ZNF469: variants seen among roughly 807,000 people sequenced by gnomAD.
The protein encoded by ZNF469 is zinc finger protein 469.
A neutral mutation model predicts 1.0 loss-of-function variants in ZNF469; 1 was observed. The ratio of observed to expected loss-of-function variants is 1.00; its 90% CI spans 0.35 to 4.73. The LOEUF (loss-of-function observed/expected upper bound fraction) is 4.73. Among genes scored for constraint, ZNF469 ranks in the 30% most tolerant of loss-of-function variants. The pLI is 0.16. For missense variants in ZNF469, 6,100 were observed against 5,356.3 expected (o/e 1.14, Z -4.33); for synonymous variants, 2,703 against 2,363.4 (o/e 1.14, Z -4.17).
At chr16:88,224,759 G>C in the ZNF469 span, among the ~76,000 whole-genome samples, 2 of 151,102 alleles carry the variant, frequency 1.3e-5, no homozygotes, top group African/African-American at 5.0e-5. Context: ...GTGTGCACGT[G>C]TGTGTCTGTA....
chr16:88,417,546 G>T (rs994743136), intron 1 of ZNF469, among the ~76,000 whole-genome samples: 1 of 152,130 alleles, frequency 6.6e-6, no homozygotes, highest in South Asian at 2.1e-4. Context: ...TCCAGTCCCC[G>T]CAAGCCAGAT....
chr16:88,396,661 C>CCTGAAGGGAGGCCGGGAGGAGACCCGT (rs1904677918), intron 1 of ZNF469, among the ~76,000 whole-genome samples: 1 of 138,974 alleles, frequency 7.2e-6, no homozygotes, highest in South Asian at 2.3e-4. Flanking sequence ...CGGAGACCCT[C>CCTGAAGGGAGGCCGGGAGGAGACCCGT]CTGAAGGGAG....
chr16:88,213,669 T>G, the ZNF469 span, among the ~76,000 whole-genome samples: 2 of 152,310 alleles, frequency 1.3e-5, no homozygotes, highest in South Asian at 4.1e-4. Flanking sequence ...CCCAAAAGGG[T>G]TGCCTTTCTG....
chr16:88,333,160 C>A, the ZNF469 span, among the ~76,000 whole-genome samples: 3 of 152,150 alleles, frequency 2.0e-5, no homozygotes, highest in African/African-American at 7.2e-5. Context: ...CCACATCCAC[C>A]GTCCATCCGT....
intron 1 of ZNF469, among the ~76,000 whole-genome samples, chr16:88,401,933 T>C (rs1457007298): frequency 5.8e-4 from 13 of 22,586 alleles, no homozygotes; most frequent in African/African-American, 3.4e-3. Flanking sequence ...GATGGATGGA[T>C]AGATACGTGG....
At chr16:88,335,197 C>G in the ZNF469 span, among the ~76,000 whole-genome samples, 1 of 152,182 alleles carries the variant, frequency 6.6e-6, no homozygotes, top group Admixed American at 6.5e-5. Context: ...GGAAACCAGG[C>G]CAGGCTCTCC....
intron 1 of ZNF469, among the ~76,000 whole-genome samples, chr16:88,387,168 C>T (rs1904358596): frequency 1.3e-5 from 2 of 152,192 alleles, no homozygotes; most frequent in South Asian, 2.1e-4. Flanking sequence ...CAGGTGCGGA[C>T]GCCGTCCGCA....
chr16:88,155,015 A>T, the ZNF469 span, among the ~76,000 whole-genome samples: 1 of 152,216 alleles, frequency 6.6e-6, no homozygotes, highest in Non-Finnish European at 1.5e-5. Flanking sequence ...CAAAATGCAG[A>T]TCCCGTCTGC....
chr16:88,404,796 C>T (rs146955173), intron 1 of ZNF469, among the ~76,000 whole-genome samples: 184 of 152,228 alleles, frequency 1.2e-3, no homozygotes, highest in African/African-American at 3.8e-3. Context: ...CCAGTGCAGA[C>T]GCACAGCAGA....
the ZNF469 span, among the ~76,000 whole-genome samples, chr16:88,205,379 C>T: frequency 3.0e-4 from 46 of 152,246 alleles, no homozygotes; most frequent in East Asian, 7.7e-3. This position sits in a 1 kb window ranked among gnomAD's most constrained non-coding sequence, Gnocchi z 4.2. Flanking sequence ...TTTGCAGGGC[C>T]GTACCCAGAA....
At chr16:88,330,287 A>G in the ZNF469 span, among the ~76,000 whole-genome samples, 1 of 152,166 alleles carries the variant, frequency 6.6e-6, no homozygotes, top group African/African-American at 2.4e-5. Flanking sequence ...TGCACATGCG[A>G]AGGCCCTTCC....
chr16:88,333,827 C>T, the ZNF469 span, among the ~76,000 whole-genome samples: 1,142 of 46,670 alleles, frequency 0.024, 7 homozygotes, highest in South Asian at 0.035. Flanking sequence ...GTGACGGCTG[C>T]GTGGCAGGGG....
At chr16:88,329,589 G>A in the ZNF469 span, among the ~76,000 whole-genome samples, 2 of 152,178 alleles carry the variant, frequency 1.3e-5, no homozygotes, top group Non-Finnish European at 2.9e-5. Context: ...ACCTCTGCCA[G>A]CCACTTCTGC....
the ZNF469 span, among the ~76,000 whole-genome samples, chr16:88,274,283 G>A: frequency 6.6e-6 from 1 of 152,214 alleles, no homozygotes; most frequent in African/African-American, 2.4e-5. Context: ...CTTTAATGGA[G>A]ACAGAGTTTC....
At chr16:88,116,250 C>G in the ZNF469 span, among the ~76,000 whole-genome samples, 21 of 152,186 alleles carry the variant, frequency 1.4e-4, no homozygotes, top group African/African-American at 4.8e-4. Context: ...TGTCGGGAAA[C>G]GCACTGAGAC....
chr16:88,414,223 T>C (rs1315176012), intron 1 of ZNF469, among the ~76,000 whole-genome samples: 1 of 152,194 alleles, frequency 6.6e-6, no homozygotes, highest in African/African-American at 2.4e-5. Context: ...GGATTCAGGC[T>C]GCTCCCTGCA....
chr16:88,308,924 C>G, the ZNF469 span, among the ~76,000 whole-genome samples: 1 of 152,176 alleles, frequency 6.6e-6, no homozygotes, highest in Non-Finnish European at 1.5e-5. Context: ...GCTAGCCTGA[C>G]ACCCAGGCAA....
chr16:88,336,687 A>C, the ZNF469 span, among the ~76,000 whole-genome samples: 2 of 152,106 alleles, frequency 1.3e-5, no homozygotes, highest in East Asian at 3.9e-4. Context: ...CCAATACCAC[A>C]CACATGCATC....
chr16:88,248,471 G>T, the ZNF469 span, among the ~76,000 whole-genome samples: 1 of 152,078 alleles, frequency 6.6e-6, no homozygotes, highest in Non-Finnish European at 1.5e-5. Flanking sequence ...CAGCACTTTG[G>T]GAGGCCAAGG....
Sources: gnomAD v4.1 joint callset for allele counts (sites outside exome capture counted in the v4.1 genomes callset) on GRCh38, gnomAD v4.1.1 for gene constraint, Gnocchi (gnomAD v3.1) non-coding constraint, MANE v1.5 for transcripts, NCBI Gene and HGNC (gene_info 2026-07-23, HGNC 2026-07-21) for gene names.